Variants in PHF2 observed in about 807,000 individuals in gnomAD.
The protein encoded by PHF2 is lysine-specific demethylase PHF2.
Under a neutral mutation model 120.5 loss-of-function variants are expected in PHF2, and 27 were observed. The ratio of observed to expected loss-of-function variants is 0.22; its 90% CI spans 0.17 to 0.31. The LOEUF (loss-of-function observed/expected upper bound fraction) is 0.31. Ranked by LOEUF, PHF2 falls within the 10% of genes least tolerant of loss-of-function variation. The pLI, the probability that PHF2 is intolerant of heterozygous loss-of-function variation, is 1.00. For missense variants in PHF2, 1,024 were observed against 1,434.8 expected, an observed-to-expected ratio of 0.71 and a Z score of 4.63; for synonymous variants, 568 against 592.5, an observed-to-expected ratio of 0.96 and a Z score of 0.60.
intron 14 of PHF2, among the ~76,000 whole-genome samples, chr9:93,664,720 T>G (rs1826644073): frequency 6.6e-6 from 1 of 152,210 alleles, no homozygotes; most frequent in Non-Finnish European, 1.5e-5. Context: ...TTGCTTTATC[T>G]GAAGCTCTGC....
At position 93,677,831 on chromosome 9, in the gene PHF2, G is replaced by A. The variant is rs1826948302; in HGVS notation, c.*155G>A. ...CAACAAGCGTCTGTCCCTTCAGCCG[G>A]CAGAGCGAGCCCAGCGTGGCCCCTC... On this transcript the variant is annotated 3_prime_UTR_variant, in exon 22 of 22. Coordinates refer to ENST00000359246, the MANE Select transcript of PHF2 (RefSeq NM_005392.4). The surrounding 1 kb of genome is among the most constrained non-coding windows in gnomAD (Gnocchi z 4.4). The A allele has an allele frequency of 1.6e-6, 1 of 615,564 alleles. No homozygotes were observed. Among genetic ancestry groups the A allele is most frequent in the Non-Finnish European group, 2.9e-6 (1 of 342,410 alleles). 38.1% of individuals were successfully genotyped at this position (615,564 alleles called of 1,614,324 possible).
At chr9:93,645,342 T>A (rs1387554095) in intron 3 of PHF2, among the ~76,000 whole-genome samples, 1 of 152,192 alleles carries the variant, frequency 6.6e-6, no homozygotes, top group Non-Finnish European at 1.5e-5. Flanking sequence ...TGCCTCTCTG[T>A]CTTGTTGGGA....
chr9:93,636,892 C>G (rs4403473), intron 3 of PHF2, among the ~76,000 whole-genome samples: 65,382 of 151,998 alleles, frequency 0.43, 14,512 homozygotes, highest in Non-Finnish European at 0.49. Context: ...CTCCCATGGC[C>G]CAGGCAGGCG....
chr9:93,592,407 C>T (rs1825244909), intron 1 of PHF2, among the ~76,000 whole-genome samples: 1 of 144,548 alleles, frequency 6.9e-6, no homozygotes, highest in East Asian at 1.9e-4. Context: ...TTATCTGCAT[C>T]CTTTGCCTAG....
intron 17 of PHF2, among the ~76,000 whole-genome samples, chr9:93,667,668 G>T (rs1214790910): frequency 6.6e-6 from 1 of 152,154 alleles, no homozygotes; most frequent in Non-Finnish European, 1.5e-5. Flanking sequence ...GACAGCTGCA[G>T]ATTCCCATTG....
rs181953452 is a variant in PHF2, at chr9:93,670,489, T to A, written c.2349-3096T>A. ...TCTGGGTGGGGCCTGGGCCTTGACA[T>A]TTATAAAGCTTCCCAGGTAGTTCTG... On this transcript the variant is annotated intron_variant, in intron 17 of 21. Transcript: ENST00000359246. Among the ~76,000 whole-genome samples the A allele has an allele frequency of 2.3e-3, 344 of 152,286 alleles. 1 individual carries two copies. The highest frequency in any genetic ancestry group is 7.8e-3 in the African/African-American group (326 of 41,558).
At chr9:93,614,576 A>G (rs1000582066) in intron 1 of PHF2, among the ~76,000 whole-genome samples, 1 of 152,216 alleles carries the variant, frequency 6.6e-6, no homozygotes, top group African/African-American at 2.4e-5. Context: ...AAAGACAGGA[A>G]GGGGCTGAGC....
intron 1 of PHF2, among the ~76,000 whole-genome samples, chr9:93,615,193 GTGATGA>G (rs200517495): frequency 1.8e-4 from 22 of 120,234 alleles, no homozygotes; most frequent in Admixed American, 6.4e-4. Flanking sequence ...GATGGCGATG[GTGATGA>G]TGATGGTGAT....
chr9:93,648,880 C>T (rs1451406456), intron 4 of PHF2, among the ~76,000 whole-genome samples, 191 bp from the exon 5 acceptor site: 5 of 151,962 alleles, frequency 3.3e-5, no homozygotes, highest in Non-Finnish European at 7.4e-5. Flanking sequence ...GAGGAGTGGT[C>T]AGAGTTGAGC....
At chr9:93,580,563 C>T (rs563708839) in intron 1 of PHF2, among the ~76,000 whole-genome samples, 1 of 152,330 alleles carries the variant, frequency 6.6e-6, no homozygotes, top group African/African-American at 2.4e-5. Flanking sequence ...ATTTAAATCT[C>T]TGGGAAGCAG....
intron 1 of PHF2, among the ~76,000 whole-genome samples, chr9:93,618,054 A>G (rs559532414): frequency 3.1e-4 from 47 of 152,340 alleles, no homozygotes; most frequent in African/African-American, 9.1e-4. Flanking sequence ...TCACTGCCAC[A>G]CCCACTCACC....
At position 93,654,460 on chromosome 9, in the gene PHF2, C is replaced by T; in HGVS notation, c.837C>T (p.Ser279=). ...TCAGGCCGGCCTCGGCCAACATCTC[C>T]CTGTATGAGCGCTGGCGGTCTGCCT... ...YLIRPASANI[S]LYERWRSASN... The change falls in exon 7 of 22, where the codon TCC becomes TCT. Residue 279 remains serine, a synonymous_variant. Coordinates refer to ENST00000359246, the MANE Select transcript of PHF2 (RefSeq NM_005392.4). The T allele has an allele frequency of 6.2e-7, 1 of 1,614,012 alleles. No homozygotes were observed.
chr9:93,661,348 G>T (rs1826561382), intron 12 of PHF2, among the ~76,000 whole-genome samples: 1 of 152,126 alleles, frequency 6.6e-6, no homozygotes, highest in Non-Finnish European at 1.5e-5. Context: ...TCTTTCTCAG[G>T]GCAAGCATGA....
chr9:93,623,486 GT>G, intron 1 of PHF2, among the ~76,000 whole-genome samples: 1 of 152,286 alleles, frequency 6.6e-6, no homozygotes, highest in Non-Finnish European at 1.5e-5. Flanking sequence ...CCCTGGTCCT[GT>G]TCCTGGCTTT....
chr9:93,677,653 C>A lies in PHF2; in HGVS notation c.3268C>A (p.Arg1090=). 1.9e-6 allele frequency: 3 copies of A among 1,613,568 alleles called. No homozygotes were observed. In the South Asian group the frequency reaches 3.3e-5, roughly 18 times the overall value. Residue 1090 remains arginine (R), a synonymous_variant, in exon 22 of 22, where the codon CGG becomes AGG. Coordinates refer to ENST00000359246, the MANE Select transcript of PHF2 (RefSeq NM_005392.4). This position sits in a 1 kb window ranked among gnomAD's most constrained non-coding sequence, Gnocchi z 4.4. The part of the protein sequence containing the change: ...QRLGKILKIH[R]NGKLLL The stretch of plus-strand genomic sequence containing the variant: ...GCTTGGGAAAATTTTGAAAATTCAT[C>A]GGAACGGGAAACTACTCCTTTAAGA...
In PHF2 at chr9:93,644,661, G is replaced by A. The variant is rs191356157; in HGVS notation, c.300-968G>A. 3.9e-5 allele frequency among the ~76,000 whole-genome samples: 6 copies of A among 152,236 alleles called. No homozygotes were observed. The East Asian group carries it at 1.2e-3, about 29-fold the overall frequency. ...CATCCCATAGAAGCATGTCCCCAGG[G>A]TCACCAAACAGAGGCTGTTCTAGCG... is the stretch of plus-strand genomic sequence containing the variant. On this transcript the variant is annotated intron_variant, in intron 3 of 21. Transcript: ENST00000359246.
Position 93,660,314 on chromosome 9 carries a change from C to A in PHF2, c.1452C>A (p.Leu484=), listed in dbSNP as rs148116185. ...SPIEATPPQS[L]LEKVSKKKTP... The stretch of plus-strand genomic sequence containing the variant: ...TTGAGGCCACCCCGCCTCAATCCCT[C>A]CTGGAGAAAGTGTCCAAAAAAAAGA... The change falls in exon 12 of 22, where the codon CTC becomes CTA. Residue 484 remains leucine (L), a synonymous_variant. Coordinates refer to ENST00000359246, the MANE Select transcript of PHF2 (RefSeq NM_005392.4). The A allele has an allele frequency of 2.7e-4, 439 of 1,610,738 alleles. No homozygotes were observed. Among genetic ancestry groups the A allele is most frequent in the Admixed American group, 6.5e-4 (39 of 59,676 alleles).
Position 93,679,096 on chromosome 9 carries a change from C to T in PHF2, c.*1420C>T, listed in dbSNP as rs1249997701. 1.1e-5 allele frequency: 4 copies of T among 375,912 alleles called. No individual in the cohort carries two copies. The highest frequency in any genetic ancestry group is 2.0e-5 in the South Asian group (1 of 50,680). The allele number at this position is 375,912 out of a possible 1,614,324, so 23.3% of individuals were successfully genotyped here. A position where few individuals can be genotyped will look rare whatever the true frequency, so the allele number is the denominator to read the frequency against. On this transcript the variant is annotated 3_prime_UTR_variant, in exon 22 of 22. Coordinates refer to ENST00000359246, the MANE Select transcript of PHF2 (RefSeq NM_005392.4). ...TTACTAGCACCTTGTGAAGTGTTTC[C>T]GTGTTTTGTGATGCTGTAATTTATT...
At chr9:93,602,748 A>C (rs1331586722) in intron 1 of PHF2, among the ~76,000 whole-genome samples, 1 of 151,818 alleles carries the variant, frequency 6.6e-6, no homozygotes, top group Non-Finnish European at 1.5e-5. Flanking sequence ...CTCTGGACTC[A>C]CTCTTGGGGG....
Sources: allele counts gnomAD v4.1 joint callset (sites outside exome capture counted in the v4.1 genomes callset), GRCh38; gene constraint gnomAD v4.1.1; non-coding constraint Gnocchi (gnomAD v3.1); transcripts MANE v1.5; gene names NCBI Gene and HGNC (gene_info 2026-07-23, HGNC 2026-07-21).